POLR2F: variants seen among roughly 807,000 people sequenced by gnomAD.
The protein encoded by POLR2F is RNA polymerase II, I and III subunit F, also known as DNA-directed RNA polymerases I, II, and III subunit RPABC2.
A neutral mutation model predicts 22.7 loss-of-function variants in POLR2F; 12 were observed. That is an observed-to-expected ratio of 0.53 (90% CI 0.34 to 0.86). POLR2F has a LOEUF of 0.86. Ranked by LOEUF, POLR2F falls within the 40% of genes least tolerant of loss-of-function variation. The pLI, the probability that POLR2F is intolerant of heterozygous loss-of-function variation, is 0.02. For synonymous variants in POLR2F, 57 were observed against 66.0 expected, an observed-to-expected ratio of 0.86 and a Z score of 0.66; for missense variants, 126 against 171.5, an observed-to-expected ratio of 0.73 and a Z score of 1.48.
chr22:37,976,232 CA>C (rs1932215571), intron 4 of POLR2F, among the ~76,000 whole-genome samples: 1 of 151,742 alleles, frequency 6.6e-6, no homozygotes, highest in African/African-American at 2.4e-5. Context: ...CAAACAAAAA[CA>C]AAAACAAAAA....
intron 5 of POLR2F, chr22:38,032,377 A>G (rs2145831947): frequency 6.6e-6 from 1 of 152,428 alleles, no homozygotes; most frequent in South Asian, 2.1e-4. Flanking sequence ...AGAGCTCTGG[A>G]GTTCCACTGT....
At chr22:37,977,720 G>A in intron 4 of POLR2F, 3 of 854,910 alleles carry the variant, frequency 3.5e-6, no homozygotes, top group Non-Finnish European at 5.4e-6. Flanking sequence ...CCCCCATGGA[G>A]CTCCCTCTGG....
chr22:38,027,610 G>C (rs1407544553), downstream of POLR2F, among the ~76,000 whole-genome samples: 1 of 152,124 alleles, frequency 6.6e-6, no homozygotes, highest in African/African-American at 2.4e-5. Context: ...TCCTCCATCA[G>C]AGCTTGGCCC....
At position 37,968,534 on chromosome 22, in the gene POLR2F, CAG is replaced by C. The variant is rs1931947316; in HGVS notation, c.*822_*823del. ...CTGGGTTCCAGGTGTTACATTAAGTCAGAGCTGGAGTTCCCCCTTCCTCTGCC... is the reference window on the plus strand; with the variant it reads ...CTGGGTTCCAGGTGTTACATTAAGTCAGCTGGAGTTCCCCCTTCCTCTGCC... On this transcript the variant is annotated 3_prime_UTR_variant, in exon 5 of 5. Coordinates refer to ENST00000442738, the MANE Select transcript of POLR2F (RefSeq NM_021974.5). 1.0e-6 allele frequency: 1 copy of C among 985,706 alleles called. No homozygotes were observed. The highest frequency in any genetic ancestry group is 1.1e-4 in the East Asian group (1 of 8,824). The allele number at this position is 985,706 out of a possible 1,614,324, so 61.1% of individuals were successfully genotyped here. A position where few individuals can be genotyped will look rare whatever the true frequency, so the allele number is the denominator to read the frequency against.
chr22:37,988,518 G>T (rs1449090554), intron 1 of POLR2F, among the ~76,000 whole-genome samples: 1 of 151,742 alleles, frequency 6.6e-6, no homozygotes, highest in Non-Finnish European at 1.5e-5. Context: ...GGGCATGGTG[G>T]CACGCACCTG....
chr22:37,992,087 C>T (rs182278474), intron 1 of POLR2F, among the ~76,000 whole-genome samples: 12 of 152,354 alleles, frequency 7.9e-5, no homozygotes, highest in South Asian at 2.1e-4. Flanking sequence ...CCTTCCACCT[C>T]ACCCTCCTGA....
intron 5 of POLR2F, among the ~76,000 whole-genome samples, chr22:38,039,820 C>A (rs964924862): frequency 1.3e-5 from 2 of 152,200 alleles, no homozygotes; most frequent in Non-Finnish European, 2.9e-5. Flanking sequence ...CCTGGCGGCC[C>A]TCAAGGAAGA....
At chr22:38,032,873 G>T in intron 5 of POLR2F, 1 of 163,360 alleles carries the variant, frequency 6.1e-6, no homozygotes. Flanking sequence ...GGTGGGAGGT[G>T]GGGAGGCCAA....
chr22:37,967,198 C>A, intron 4 of POLR2F, 28 bp downstream of exon 4: 1 of 1,607,756 alleles, frequency 6.2e-7, no homozygotes, highest in Non-Finnish European at 8.5e-7. Context: ...TGGTTCACTT[C>A]TCCAAATCTC....
At chr22:38,004,993 A>C (rs1051416994) in intron 1 of POLR2F, among the ~76,000 whole-genome samples, 1 of 152,214 alleles carries the variant, frequency 6.6e-6, no homozygotes, top group African/African-American at 2.4e-5. Context: ...GTTGCTGGCA[A>C]ATTAGAAAAT....
rs10624395 is a variant in POLR2F, at chr22:38,037,439, A to ATTTTTTT, written c.453-3619_453-3613dup. 7.2e-3 allele frequency among the ~76,000 whole-genome samples: 890 copies of ATTTTTTT among 124,156 alleles called. 36 individuals are homozygous for ATTTTTTT. Among genetic ancestry groups the ATTTTTTT allele is most frequent in the African/African-American group, 0.028 (863 of 30,954 alleles). 81.5% of individuals were successfully genotyped at this position (124,156 alleles called of 152,430 possible). ...CAGGTGCACACCACCATGCTCGGCT[A>ATTTTTTT]TTTTTTTTTTTTTTTTGTAGAGATG... On this transcript the variant is annotated intron_variant, in intron 5 of 5. Coordinates refer to the POLR2F transcript ENST00000407936.
intron 1 of POLR2F, among the ~76,000 whole-genome samples, chr22:38,015,549 C>T (rs971796760): frequency 1.3e-5 from 2 of 152,158 alleles, no homozygotes; most frequent in African/African-American, 4.8e-5. Flanking sequence ...TTTTGGGTCC[C>T]CCATCCAAAG....
intron 1 of POLR2F, among the ~76,000 whole-genome samples, chr22:37,990,134 C>T (rs1343225159): frequency 6.6e-6 from 1 of 152,110 alleles, no homozygotes; most frequent in Non-Finnish European, 1.5e-5. Context: ...GTCAGAGTTC[C>T]AAGGAGGAAA....
At chr22:38,012,728 T>C (rs966235544) in intron 1 of POLR2F, among the ~76,000 whole-genome samples, 1 of 152,248 alleles carries the variant, frequency 6.6e-6, no homozygotes, top group Admixed American at 6.5e-5. Flanking sequence ...CTTGACATTT[T>C]TGAAGCGTAC....
chr22:37,995,122 T>C (rs2084701108), intron 1 of POLR2F, among the ~76,000 whole-genome samples: 1 of 152,188 alleles, frequency 6.6e-6, no homozygotes, highest in Non-Finnish European at 1.5e-5. Flanking sequence ...CCAGCCACCC[T>C]CTCTGGCACA....
chr22:37,998,648 G>A (rs2084739881), intron 1 of POLR2F, among the ~76,000 whole-genome samples: 1 of 152,234 alleles, frequency 6.6e-6, no homozygotes, highest in South Asian at 2.1e-4. Context: ...GGCGTGGGAT[G>A]TGCAGAGGAC....
chr22:37,972,613 G>A (rs1292463572), downstream of POLR2F: 1 of 190,832 alleles, frequency 5.2e-6, no homozygotes, highest in Non-Finnish European at 1.1e-5. Context: ...CAAGGGTTAG[G>A]GCCTGAGCAG....
At chr22:37,984,406 C>T (rs2145778891), upstream of POLR2F, 1 of 131,630 alleles carries the variant, frequency 7.6e-6, no homozygotes. The surrounding 1 kb of genome is among the most constrained non-coding windows in gnomAD (Gnocchi z 4.4). Context: ...CCAAGGTGTG[C>T]GGTCCAGCTC....
At chr22:37,974,300 C>A, downstream of POLR2F, 1 of 873,114 alleles carries the variant, frequency 1.1e-6, no homozygotes, top group Non-Finnish European at 1.8e-6. This position sits in a 1 kb window ranked among gnomAD's most constrained non-coding sequence, Gnocchi z 5.4. Context: ...GCAGCGGGTG[C>A]CTCTGGGAAA....
Sources: gnomAD v4.1 joint callset for allele counts (sites outside exome capture counted in the v4.1 genomes callset) on GRCh38, gnomAD v4.1.1 for gene constraint, Gnocchi (gnomAD v3.1) non-coding constraint, MANE v1.5 for transcripts, NCBI Gene and HGNC (gene_info 2026-07-23, HGNC 2026-07-21) for gene names.